The following TLL1 variants were observed in gnomAD, a reference collection of about 807,000 sequenced individuals.
TLL1 encodes tolloid-like protein 1.
A neutral mutation model predicts 128.2 loss-of-function variants in TLL1; 49 were observed. That is an observed-to-expected ratio of 0.38 (90% CI 0.30 to 0.48). The LOEUF (loss-of-function observed/expected upper bound fraction) is 0.48. Among genes scored for constraint, TLL1 ranks in the 20% least tolerant of loss-of-function variants. The probability of loss-of-function intolerance (pLI) is 0.96; values close to 1 mark genes in which losing one functional copy is unlikely to be tolerated. For synonymous variants in TLL1, 454 were observed against 418.8 expected, an observed-to-expected ratio of 1.08 and a Z score of -1.03; for missense variants, 1,123 against 1,242.0, an observed-to-expected ratio of 0.90 and a Z score of 1.44.
chr4:165,962,372 C>A (rs1195992642), intron 1 of TLL1, among the ~76,000 whole-genome samples: 1 of 152,118 alleles, frequency 6.6e-6, no homozygotes, highest in African/African-American at 2.4e-5. Context: ...TACAGTGAGA[C>A]ACCATCTTAC....
chr4:166,015,807 T>C (rs1158729104), intron 8 of TLL1, among the ~76,000 whole-genome samples: 1 of 151,962 alleles, frequency 6.6e-6, no homozygotes, highest in East Asian at 1.9e-4. Context: ...AGAGAAGGGA[T>C]TTCCTATTCC....
At chr4:166,052,958 G>A (rs1739815166) in intron 12 of TLL1, among the ~76,000 whole-genome samples, 1 of 45,060 alleles carries the variant, frequency 2.2e-5, no homozygotes, top group Non-Finnish European at 4.0e-5. Flanking sequence ...GAGATAAGAG[G>A]TTATGTGTAT....
rs147899524 is a variant in TLL1 at position 166,061,122 on chromosome 4, T to C, written c.2007+934T>C. 3.1e-3 allele frequency among the ~76,000 whole-genome samples: 470 copies of C among 152,302 alleles called. 3 individuals are homozygous for C. Among genetic ancestry groups the C allele is most frequent in the African/African-American group, 0.011 (438 of 41,586 alleles). ...TATATCAGAGAACGGAAATGTAATG[T>C]ATCTGTGCCACTGAAGCAGTAATTG... On this transcript the variant is annotated intron_variant, in intron 15 of 20. Coordinates refer to ENST00000061240, the MANE Select transcript of TLL1 (RefSeq NM_012464.5).
chr4:166,069,625 T>G (rs1740719502), intron 16 of TLL1, among the ~76,000 whole-genome samples: 1 of 151,694 alleles, frequency 6.6e-6, no homozygotes, highest in African/African-American at 2.4e-5. Context: ...GCATAAGAGA[T>G]TTTAGCTATC....
rs151005901 is a variant in TLL1, at chr4:166,039,755, T to C, written c.1261+314T>C. On this transcript the variant is annotated intron_variant, in intron 10 of 20. Coordinates refer to ENST00000061240, the MANE Select transcript of TLL1 (RefSeq NM_012464.5). ...CTCACAGTGTTTCTGTATTTTTGCTTTAAAAATCAGTTTTTGATTAAAAAA... is the reference window on the plus strand; with the variant it reads ...CTCACAGTGTTTCTGTATTTTTGCTCTAAAAATCAGTTTTTGATTAAAAAA... 1.5e-4 allele frequency among the ~76,000 whole-genome samples: 23 copies of C among 152,306 alleles called. 1 individual carries two copies. Among genetic ancestry groups the C allele is most frequent in the African/African-American group, 5.3e-4 (22 of 41,568 alleles).
intron 1 of TLL1, among the ~76,000 whole-genome samples, chr4:165,892,423 A>G (rs891491856): frequency 1.3e-5 from 2 of 152,216 alleles, no homozygotes; most frequent in African/African-American, 2.4e-5. Flanking sequence ...AAGAGGCACC[A>G]TAATGCTTTT....
chr4:165,978,547 G>A (rs1560786622), intron 1 of TLL1, among the ~76,000 whole-genome samples: 1 of 151,986 alleles, frequency 6.6e-6, no homozygotes, highest in African/African-American at 2.4e-5. Flanking sequence ...TATGATTATT[G>A]AAAAGTTTAC....
At chr4:165,906,531 A>G (rs1439275419) in intron 1 of TLL1, among the ~76,000 whole-genome samples, 1 of 152,244 alleles carries the variant, frequency 6.6e-6, no homozygotes, top group Non-Finnish European at 1.5e-5. Flanking sequence ...GGAGAAATAG[A>G]GGAAATACAA....
intron 18 of TLL1, among the ~76,000 whole-genome samples, chr4:166,084,793 G>A (rs1044371499): frequency 1.3e-5 from 2 of 152,008 alleles, no homozygotes; most frequent in Non-Finnish European, 2.9e-5. Context: ...GCTTTGTAGT[G>A]TATTTTGATA....
intron 10 of TLL1, 129 bp downstream of exon 10, chr4:166,039,570 A>G (rs1739152637): frequency 5.7e-6 from 4 of 704,576 alleles, no homozygotes; most frequent in Admixed American, 4.7e-5. Flanking sequence ...TATGTTAGTT[A>G]TACTTTTTTC....
intron 9 of TLL1, among the ~76,000 whole-genome samples, chr4:166,030,181 A>G (rs1738696960): frequency 6.6e-6 from 1 of 152,128 alleles, no homozygotes; most frequent in African/African-American, 2.4e-5. Flanking sequence ...GATAGTAGCC[A>G]TCCTACTGGG....
Position 166,025,450 on chromosome 4 carries a change from C to T in TLL1, c.1158+19C>T. ...GGAGAAGGTAGTTTATACCGTCAAGCCCACTATTTTATTCTTATATAAGTA... is the reference window on the plus strand; with the variant it reads ...GGAGAAGGTAGTTTATACCGTCAAGTCCACTATTTTATTCTTATATAAGTA... On this transcript the variant is annotated intron_variant, in intron 9 of 20. Coordinates refer to ENST00000061240, the MANE Select transcript of TLL1 (RefSeq NM_012464.5). 1 of 1,531,084 alleles carries T rather than the reference C, an allele frequency of 6.5e-7. No individual in the cohort carries two copies. The highest frequency in any genetic ancestry group is 9.1e-7 in the Non-Finnish European group (1 of 1,104,794). 94.8% of individuals were successfully genotyped at this position (1,531,084 alleles called of 1,614,324 possible).
At chr4:165,953,070 A>T (rs1218238976) in intron 1 of TLL1, among the ~76,000 whole-genome samples, 1 of 152,176 alleles carries the variant, frequency 6.6e-6, no homozygotes, top group Non-Finnish European at 1.5e-5. Flanking sequence ...TGAAGGTCAG[A>T]ATAAGATGTT....
At chr4:165,955,080 C>T (rs991762993) in intron 1 of TLL1, among the ~76,000 whole-genome samples, 2 of 152,002 alleles carry the variant, frequency 1.3e-5, no homozygotes, top group African/African-American at 4.8e-5. Context: ...TAAGAAAAAA[C>T]CAGTTGAACT....
intron 19 of TLL1, among the ~76,000 whole-genome samples, chr4:166,093,526 T>A (rs34536718): frequency 0.12 from 18,492 of 152,142 alleles, 1,439 homozygotes; most frequent in South Asian, 0.17. Context: ...AAATGTACAA[T>A]CGGGTTTTAT....
At chr4:166,079,097 G>T (rs1253865278) in intron 18 of TLL1, among the ~76,000 whole-genome samples, 1 of 152,110 alleles carries the variant, frequency 6.6e-6, no homozygotes, top group Non-Finnish European at 1.5e-5. Context: ...CCACACTGTT[G>T]AAGGATACTA....
chr4:166,090,625 GA>G (rs1197634648), intron 18 of TLL1, among the ~76,000 whole-genome samples: 9 of 151,968 alleles, frequency 5.9e-5, no homozygotes, highest in Non-Finnish European at 1.0e-4. Context: ...AATATATAGT[GA>G]AAATTATTCT....
intron 1 of TLL1, among the ~76,000 whole-genome samples, chr4:165,935,347 TGAAA>T (rs1733715194): frequency 6.6e-6 from 1 of 152,240 alleles, no homozygotes; most frequent in African/African-American, 2.4e-5. Flanking sequence ...GAAGTTATGC[TGAAA>T]GAGTCAGTAT....
chr4:166,087,567 C>T (rs1457051842), intron 18 of TLL1, among the ~76,000 whole-genome samples: 1 of 152,164 alleles, frequency 6.6e-6, no homozygotes, highest in Admixed American at 6.5e-5. Context: ...GCTCAAATTG[C>T]ATCAGTCTCT....
Sources: allele counts gnomAD v4.1 joint callset (sites outside exome capture counted in the v4.1 genomes callset), GRCh38; gene constraint gnomAD v4.1.1; transcripts MANE v1.5; gene names NCBI Gene and HGNC (gene_info 2026-07-23, HGNC 2026-07-21).